The following SGK3 variants were observed in gnomAD, a reference collection of about 807,000 sequenced individuals.
SGK3 encodes serum/glucocorticoid regulated kinase family member 3.
Under a neutral mutation model 68.5 loss-of-function variants are expected in SGK3, and 47 were observed. That is an observed-to-expected ratio of 0.69 (90% CI 0.54 to 0.87). The LOEUF (loss-of-function observed/expected upper bound fraction) is 0.87, where lower values mean the gene tolerates loss of function less well. SGK3 is among the 40% of genes least tolerant of loss of function. The pLI, the probability that SGK3 is intolerant of heterozygous loss-of-function variation, is 0.00. For synonymous variants in SGK3, 181 were observed against 189.1 expected, an observed-to-expected ratio of 0.96 and a Z score of 0.35; for missense variants, 479 against 575.5, an observed-to-expected ratio of 0.83 and a Z score of 1.72.
At chr8:66,776,622 C>A (rs1019782336) in intron 1 of SGK3, among the ~76,000 whole-genome samples, 1 of 152,148 alleles carries the variant, frequency 6.6e-6, no homozygotes, top group African/African-American at 2.4e-5. Context: ...CTCTGCTGAT[C>A]AACAAAGTAT....
chr8:66,807,240 T>G (rs1808205536), intron 4 of SGK3, among the ~76,000 whole-genome samples: 1 of 152,150 alleles, frequency 6.6e-6, no homozygotes. Flanking sequence ...CTGAGACAAT[T>G]AACTAATTAG....
chr8:66,847,096 T>C, intron 14 of SGK3, 97 bp from the exon 15 acceptor site: 2 of 1,518,154 alleles, frequency 1.3e-6, no homozygotes, highest in Non-Finnish European at 1.8e-6. Context: ...CCATACATTT[T>C]TTCAACTGAC....
intron 1 of SGK3, among the ~76,000 whole-genome samples, chr8:66,714,997 G>A (rs1047813773): frequency 6.6e-5 from 10 of 152,120 alleles, no homozygotes; most frequent in African/African-American, 1.2e-4. Context: ...TCAAAATACC[G>A]TAGTAATTGA....
At chr8:66,836,108 G>A in intron 10 of SGK3, 34 bp downstream of exon 10, 1 of 1,577,728 alleles carries the variant, frequency 6.3e-7, no homozygotes, top group Non-Finnish European at 8.6e-7. Flanking sequence ...AATGTTAATA[G>A]TTTAGAAAAA....
At chr8:66,824,763 C>A (rs1382304991) in intron 6 of SGK3, among the ~76,000 whole-genome samples, 1 of 152,104 alleles carries the variant, frequency 6.6e-6, no homozygotes, top group Non-Finnish European at 1.5e-5. Context: ...TTTTCAAGAT[C>A]AGATGTTAAG....
chr8:66,751,818 T>G (rs951371972), intron 1 of SGK3, among the ~76,000 whole-genome samples: 1 of 152,016 alleles, frequency 6.6e-6, no homozygotes, highest in Admixed American at 6.6e-5. Flanking sequence ...CAGGCTGGAG[T>G]GCAGTGGCGC....
intron 15 of SGK3, among the ~76,000 whole-genome samples, chr8:66,848,750 CA>C (rs1040751528): frequency 1.3e-5 from 2 of 151,972 alleles, no homozygotes; most frequent in Non-Finnish European, 2.9e-5. Flanking sequence ...CTTCTTAAGC[CA>C]AAAAAACCCT....
chr8:66,779,626 G>A lies in SGK3; in HGVS notation c.-121-13990G>A, dbSNP rs527447873. ...TAAAACACATTTTTTATATATATAC[G>A]TTTTATACATATACACATATATACA... On this transcript the variant is annotated intron_variant, in intron 1 of 16. Coordinates refer to ENST00000521198, the MANE Select transcript of SGK3 (RefSeq NM_001033578.3). 7.3e-3 allele frequency among the ~76,000 whole-genome samples: 798 copies of A among 109,622 alleles called. 16 individuals are homozygous for A. Among genetic ancestry groups the A allele is most frequent in the African/African-American group, 0.023 (715 of 30,596 alleles). 71.9% of individuals were successfully genotyped at this position (109,622 alleles called of 152,430 possible).
At chr8:66,836,236 C>T (rs943986304) in intron 10 of SGK3, among the ~76,000 whole-genome samples, 162 bp downstream of exon 10, 1 of 152,134 alleles carries the variant, frequency 6.6e-6, no homozygotes. Context: ...AATTGTAACA[C>T]AGAGCTTTTA....
intron 2 of SGK3, among the ~76,000 whole-genome samples, chr8:66,794,681 G>T (rs61435382): frequency 6.6e-6 from 1 of 152,042 alleles, no homozygotes; most frequent in African/African-American, 2.4e-5. Context: ...ACTTGAACAC[G>T]CATCCTCCTC....
chr8:66,748,241 A>T (rs536499496), intron 1 of SGK3, among the ~76,000 whole-genome samples: 1 of 152,186 alleles, frequency 6.6e-6, no homozygotes, highest in Non-Finnish European at 1.5e-5. Flanking sequence ...CATTCTTAGA[A>T]GATTTAATTT....
intron 7 of SGK3, 96 bp downstream of exon 7, chr8:66,828,799 T>C (rs1173384472): frequency 6.8e-7 from 1 of 1,463,146 alleles, no homozygotes; most frequent in South Asian, 1.1e-5. Context: ...AATTTAACTG[T>C]AGGCCTTTGA....
intron 1 of SGK3, among the ~76,000 whole-genome samples, chr8:66,758,542 A>G (rs1806057376): frequency 6.6e-6 from 1 of 152,138 alleles, no homozygotes; most frequent in Non-Finnish European, 1.5e-5. Context: ...ATATCTCTCT[A>G]TATCTATATA....
At chr8:66,848,256 C>A (rs546391877) in intron 15 of SGK3, among the ~76,000 whole-genome samples, 5 of 152,192 alleles carry the variant, frequency 3.3e-5, no homozygotes, top group African/African-American at 1.2e-4. Flanking sequence ...CTAGATGAAT[C>A]CAACTATCAT....
intron 1 of SGK3, among the ~76,000 whole-genome samples, chr8:66,720,795 A>ATATATATAT (rs1554590881): frequency 3.3e-5 from 5 of 150,768 alleles, no homozygotes; most frequent in African/African-American, 1.2e-4. Flanking sequence ...ATATATATAT[A>ATATATATAT]ATTAGCCAGG....
At chr8:66,858,947 G>GA (rs545502321) in intron 16 of SGK3, among the ~76,000 whole-genome samples, 60 of 152,110 alleles carry the variant, frequency 3.9e-4, no homozygotes, top group Non-Finnish European at 8.2e-4. Flanking sequence ...GTCAGGAAAG[G>GA]AAAAGCAGAA....
intron 15 of SGK3, 76 bp downstream of exon 15, chr8:66,847,424 G>A (rs547958305): frequency 2.6e-5 from 40 of 1,562,154 alleles, no homozygotes; most frequent in South Asian, 2.0e-4. Flanking sequence ...ATTTTATATG[G>A]TATTTAATGG....
At chr8:66,824,164 G>C (rs1318091394) in intron 6 of SGK3, among the ~76,000 whole-genome samples, 1 of 152,030 alleles carries the variant, frequency 6.6e-6, no homozygotes, top group East Asian at 1.9e-4. Context: ...TTACATCTGT[G>C]ACATGGTTGC....
rs1192875607 is a variant in SGK3 at position 66,845,687 on chromosome 8, A to AGCTT, written c.1075-1501_1075-1498dup. On this transcript the variant is annotated intron_variant, in intron 14 of 16. Coordinates refer to ENST00000521198, the MANE Select transcript of SGK3 (RefSeq NM_001033578.3). ...ACTACAGGCATGCACCACCCCACCT[A>AGCTT]GCTTGCTTATTTATTTATTTATTTA... Among the ~76,000 whole-genome samples the AGCTT allele has an allele frequency of 4.2e-5, 6 of 142,840 alleles. No individual in the cohort carries two copies. In the East Asian group the frequency reaches 6.2e-4, roughly 15 times the overall value. 93.7% of individuals were successfully genotyped at this position (142,840 alleles called of 152,430 possible).
Sources: allele counts gnomAD v4.1 joint callset (sites outside exome capture counted in the v4.1 genomes callset), GRCh38; gene constraint gnomAD v4.1.1; transcripts MANE v1.5; gene names NCBI Gene and HGNC (gene_info 2026-07-23, HGNC 2026-07-21).